Variants in TSPAN9 observed in about 807,000 individuals in gnomAD.
TSPAN9 encodes the protein tetraspanin 9.
A neutral mutation model predicts 31.0 loss-of-function variants in TSPAN9; 16 were observed. The observed-to-expected ratio is 0.52, with a 90% confidence interval of 0.35 to 0.78. The LOEUF (loss-of-function observed/expected upper bound fraction) is 0.78. Ranked by LOEUF, TSPAN9 falls within the 30% of genes least tolerant of loss-of-function variation. The pLI, the probability that TSPAN9 is intolerant of heterozygous loss-of-function variation, is 0.01. For missense variants in TSPAN9, 272 were observed against 312.5 expected, an observed-to-expected ratio of 0.87 and a Z score of 0.98; for synonymous variants, 145 against 121.6, an observed-to-expected ratio of 1.19 and a Z score of -1.27.
chr12:3,115,018 A>T (rs1043204164), intron 2 of TSPAN9, among the ~76,000 whole-genome samples: 1 of 152,008 alleles, frequency 6.6e-6, no homozygotes, highest in African/African-American at 2.4e-5. Context: ...TCAATTTTAG[A>T]ACCTTTTTAT....
intron 2 of TSPAN9, among the ~76,000 whole-genome samples, chr12:3,167,725 G>A (rs1255572793): frequency 3.9e-5 from 6 of 152,312 alleles, no homozygotes; most frequent in East Asian, 1.9e-4. Context: ...GCTTGGGATC[G>A]GGATGGCAGG....
intron 3 of TSPAN9, among the ~76,000 whole-genome samples, chr12:3,226,772 ATATATATATATATATATATATATT>A (rs1565622567): frequency 4.3e-3 from 7 of 1,638 alleles, no homozygotes; most frequent in African/African-American, 5.7e-3. Flanking sequence ...ATATATATAT[ATATATATATATATATATATATATT>A]TTTTTTTTTT....
Position 3,200,929 on chromosome 12 carries a change from G to A in TSPAN9, c.-17-248G>A, listed in dbSNP as rs1457257837. The stretch of plus-strand genomic sequence containing the variant: ...CCGGGAACGCCGCGAGCATGGAGAA[G>A]TCGAGTAGCGAGGATTCTTCGATCC... On this transcript the variant is annotated intron_variant, in intron 2 of 8. Coordinates refer to ENST00000011898, the MANE Select transcript of TSPAN9 (RefSeq NM_006675.5). 5 of 434,722 alleles carry A rather than the reference G, an allele frequency of 1.2e-5. No individual in the cohort carries two copies. The East Asian group carries it at 1.7e-4, about 15-fold the overall frequency. The allele number at this position is 434,722 out of a possible 1,614,324, so 26.9% of individuals were successfully genotyped here.
chr12:3,235,363 G>A (rs1207502982), intron 3 of TSPAN9, among the ~76,000 whole-genome samples: 6 of 148,312 alleles, frequency 4.0e-5, no homozygotes, highest in African/African-American at 1.0e-4. Context: ...AAGCCTGGCC[G>A]GAAGCCTGGA....
chr12:3,142,898 A>G (rs575935816), intron 2 of TSPAN9, among the ~76,000 whole-genome samples: 8 of 152,276 alleles, frequency 5.3e-5, no homozygotes, highest in African/African-American at 1.9e-4. Context: ...AGGAGCCTCC[A>G]TTGCGTTGAG....
chr12:3,242,630 G>A (rs1045320113), intron 3 of TSPAN9, among the ~76,000 whole-genome samples: 3 of 152,234 alleles, frequency 2.0e-5, no homozygotes, highest in Admixed American at 1.3e-4. Context: ...TCAGGGCTGC[G>A]TGTGGAGGAT....
intron 1 of TSPAN9, among the ~76,000 whole-genome samples, chr12:3,079,601 A>G (rs1342728571): frequency 6.6e-6 from 1 of 152,038 alleles, no homozygotes; most frequent in African/African-American, 2.4e-5. Flanking sequence ...AACTGGGATT[A>G]CAGGTGCCCG....
chr12:3,099,487 C>A (rs1025724275), intron 2 of TSPAN9, among the ~76,000 whole-genome samples: 1 of 152,120 alleles, frequency 6.6e-6, no homozygotes, highest in Non-Finnish European at 1.5e-5. Flanking sequence ...GTTTCATCAT[C>A]TCTGTTATTT....
At chr12:3,254,264 GCTT>G (rs1163664403) in intron 3 of TSPAN9, among the ~76,000 whole-genome samples, 1 of 152,212 alleles carries the variant, frequency 6.6e-6, no homozygotes, top group Non-Finnish European at 1.5e-5. Context: ...CAGGACTCCA[GCTT>G]CTTTTCTGAC....
intron 2 of TSPAN9, among the ~76,000 whole-genome samples, chr12:3,196,421 G>A (rs891876907): frequency 2.6e-5 from 4 of 152,178 alleles, no homozygotes; most frequent in African/African-American, 4.8e-5. Context: ...CTGTTAGCCT[G>A]GAAGATTCTT....
At chr12:3,264,709 A>G (rs1402161988) in intron 3 of TSPAN9, among the ~76,000 whole-genome samples, 2 of 152,254 alleles carry the variant, frequency 1.3e-5, no homozygotes, top group East Asian at 1.9e-4. Flanking sequence ...GCTGCAGGCT[A>G]TAAATACTCA....
intron 2 of TSPAN9, among the ~76,000 whole-genome samples, chr12:3,089,913 A>G (rs1019903283): frequency 2.6e-5 from 4 of 151,920 alleles, no homozygotes; most frequent in African/African-American, 9.7e-5. Flanking sequence ...CTCAAAATAA[A>G]TAAATAAATA....
At chr12:3,235,068 G>A (rs1471642557) in intron 3 of TSPAN9, among the ~76,000 whole-genome samples, 1 of 148,730 alleles carries the variant, frequency 6.7e-6, no homozygotes, top group Non-Finnish European at 1.5e-5. Flanking sequence ...TCGGGAGGCT[G>A]AGGCGGGAGA....
In TSPAN9 at chr12:3,280,490, G is replaced by C; in HGVS notation, c.432+7G>C. 4 of 1,609,928 alleles carry C rather than the reference G, an allele frequency of 2.5e-6. No individual in the cohort carries two copies. The South Asian group carries it at 4.4e-5, about 18-fold the overall frequency. ...GAACATCATCCAGGCTGAGGTGCGG[G>C]CTGGGCCGCCCTGGTGGGGCCAGGC... On this transcript the variant is annotated splice_region_variant and intron_variant, in intron 6 of 8. Transcript: ENST00000011898. This position sits in a 1 kb window ranked among gnomAD's most constrained non-coding sequence, Gnocchi z 4.5.
At chr12:3,082,323 G>A (rs960548150) in intron 1 of TSPAN9, among the ~76,000 whole-genome samples, 1 of 152,216 alleles carries the variant, frequency 6.6e-6, no homozygotes, top group African/African-American at 2.4e-5. Flanking sequence ...AATGGTGCAG[G>A]TGGGCCAGGT....
In TSPAN9 at chr12:3,283,253, TGC is replaced by T; in HGVS notation, c.*138_*139del. Reference sequence around the variant, plus strand: ...ACAGCCTGCCCTACCCCACCTACCCTGCCTCAGCCTCGGACTTCTCAGTGGGT... The same window carrying T: ...ACAGCCTGCCCTACCCCACCTACCCTCTCAGCCTCGGACTTCTCAGTGGGT... On this transcript the variant is annotated 3_prime_UTR_variant, in exon 9 of 9. Transcript: ENST00000011898. 1 of 843,594 alleles carries T rather than the reference TGC, an allele frequency of 1.2e-6. No individual in the cohort carries two copies. The highest frequency in any genetic ancestry group is 1.8e-6 in the Non-Finnish European group (1 of 561,946). The allele number at this position is 843,594 out of a possible 1,614,324, so 52.3% of individuals were successfully genotyped here.
At chr12:3,190,788 A>G (rs974468682) in intron 2 of TSPAN9, among the ~76,000 whole-genome samples, 5 of 152,238 alleles carry the variant, frequency 3.3e-5, no homozygotes, top group African/African-American at 4.8e-5. Flanking sequence ...TGATTTTTCT[A>G]AAGAGCTGCT....
chr12:3,223,315 G>T (rs995097820), intron 3 of TSPAN9, among the ~76,000 whole-genome samples: 5 of 152,156 alleles, frequency 3.3e-5, no homozygotes, highest in Non-Finnish European at 7.3e-5. Context: ...ACAGCTCACC[G>T]CCAAGGCCTC....
At chr12:3,190,633 G>A (rs2098363880) in intron 2 of TSPAN9, among the ~76,000 whole-genome samples, 2 of 152,184 alleles carry the variant, frequency 1.3e-5, no homozygotes, top group Admixed American at 1.3e-4. Context: ...TCTTTGTCCA[G>A]GCAGACTATC....
Sources: allele counts gnomAD v4.1 joint callset (sites outside exome capture counted in the v4.1 genomes callset), GRCh38; gene constraint gnomAD v4.1.1; non-coding constraint Gnocchi (gnomAD v3.1); transcripts MANE v1.5; gene names NCBI Gene and HGNC (gene_info 2026-07-23, HGNC 2026-07-21).